PC: variants seen among roughly 807,000 people sequenced by gnomAD.
PC encodes pyruvate carboxylase, also known as pyruvate carboxylase, mitochondrial.
Under a neutral mutation model 107.8 loss-of-function variants are expected in PC, and 46 were observed. The ratio of observed to expected loss-of-function variants is 0.43; its 90% CI spans 0.34 to 0.55. PC has a LOEUF of 0.55. PC is among the 20% of genes least tolerant of loss of function. The pLI is 0.04. For missense variants in PC, 1,241 were observed against 1,643.1 expected (o/e 0.76, Z 4.23); for synonymous variants, 662 against 684.7 (o/e 0.97, Z 0.52).
intron 2 of PC, among the ~76,000 whole-genome samples, chr11:66,952,982 T>C (rs1443731074): frequency 1.3e-5 from 2 of 152,168 alleles, no homozygotes; most frequent in African/African-American, 2.4e-5. Context: ...TGTTTCCTCA[T>C]CTGTAAAATG....
intron 3 of PC, among the ~76,000 whole-genome samples, chr11:66,879,201 C>T (rs1947095273): frequency 6.6e-6 from 1 of 152,216 alleles, no homozygotes; most frequent in African/African-American, 2.4e-5. Context: ...ACAGGCCAGG[C>T]CGTCCTGGGG....
intron 1 of PC, among the ~76,000 whole-genome samples, chr11:66,955,798 A>C (rs1272413300): frequency 1.4e-5 from 2 of 138,424 alleles, no homozygotes; most frequent in East Asian, 4.0e-4. Flanking sequence ...TTTGACAGGG[A>C]GTTTCATGCT....
chr11:66,937,475 C>G (rs1949027331), intron 3 of PC, among the ~76,000 whole-genome samples: 1 of 144,380 alleles, frequency 6.9e-6, no homozygotes, highest in Non-Finnish European at 1.5e-5. Context: ...CATTGGAGTT[C>G]ACTGAGCTTC....
At chr11:66,927,462 C>T (rs1320558949) in intron 3 of PC, among the ~76,000 whole-genome samples, 1 of 151,848 alleles carries the variant, frequency 6.6e-6, no homozygotes, top group East Asian at 1.9e-4. Context: ...TGGCTCATGC[C>T]TGTAATCCCA....
chr11:66,947,121 C>G (rs1223828738), intron 3 of PC, among the ~76,000 whole-genome samples: 1 of 152,094 alleles, frequency 6.6e-6, no homozygotes. Flanking sequence ...CAGGATCCAG[C>G]CACTCCACTC....
At chr11:66,886,140 T>C (rs1341771409) in intron 3 of PC, among the ~76,000 whole-genome samples, 1 of 132,002 alleles carries the variant, frequency 7.6e-6, no homozygotes, top group African/African-American at 2.9e-5. Context: ...GTTAGCAAGA[T>C]GGCCTGAAGG....
intron 3 of PC, among the ~76,000 whole-genome samples, chr11:66,890,822 T>C (rs1351256538): frequency 6.6e-6 from 1 of 151,736 alleles, no homozygotes; most frequent in Non-Finnish European, 1.5e-5. Context: ...TTCCAATTTT[T>C]AGCAATTAAG....
intron 12 of PC, among the ~76,000 whole-genome samples, chr11:66,856,297 C>T (rs1025560994): frequency 6.6e-6 from 1 of 152,238 alleles, no homozygotes; most frequent in African/African-American, 2.4e-5. Context: ...TGGGAAGCCG[C>T]GCCGCGCAGA....
At chr11:66,918,053 T>C (rs927905300) in intron 3 of PC, among the ~76,000 whole-genome samples, 1 of 152,194 alleles carries the variant, frequency 6.6e-6, no homozygotes, top group Non-Finnish European at 1.5e-5. Context: ...CACAGCAGCC[T>C]GTGAGCCCTC....
chr11:66,902,182 C>T (rs1019179046), intron 3 of PC, among the ~76,000 whole-genome samples: 12 of 152,190 alleles, frequency 7.9e-5, no homozygotes, highest in African/African-American at 2.9e-4. Flanking sequence ...TCTCCCTATT[C>T]GTGACTCCTA....
chr11:66,897,915 A>C (rs1947813813), intron 3 of PC, among the ~76,000 whole-genome samples: 1 of 152,178 alleles, frequency 6.6e-6, no homozygotes. Context: ...AATTGTCACC[A>C]CAATCTCATG....
chr11:66,903,752 GAAAAAAAAAA>G (rs1175402409), intron 3 of PC, among the ~76,000 whole-genome samples: 3 of 76,214 alleles, frequency 3.9e-5, no homozygotes, highest in African/African-American at 7.3e-5. Flanking sequence ...TCCATCTCAG[GAAAAAAAAAA>G]AAAAAAAAAA....
In PC at chr11:66,848,682, G is replaced by A. The variant is rs1945290961; in HGVS notation, c.*217C>T. The A allele has an allele frequency of 1.6e-6, 1 of 640,756 alleles. No individual in the cohort carries two copies. The highest frequency in any genetic ancestry group is 2.7e-6 in the Non-Finnish European group (1 of 364,398). 39.7% of individuals were successfully genotyped at this position (640,756 alleles called of 1,614,324 possible). A position where few individuals can be genotyped will look rare whatever the true frequency, so the allele number is the denominator to read the frequency against. On this transcript the variant is annotated 3_prime_UTR_variant, in exon 23 of 23. Transcript: ENST00000393960. ...TCCAGTGAGGAGGGGACCCTTATTTGGCAAGAGATGAACATGTAAGCAGCT... is the reference window on the plus strand; with the variant it reads ...TCCAGTGAGGAGGGGACCCTTATTTAGCAAGAGATGAACATGTAAGCAGCT...
At chr11:66,956,901 T>C (rs1949572490) in intron 1 of PC, among the ~76,000 whole-genome samples, 1 of 152,238 alleles carries the variant, frequency 6.6e-6, no homozygotes, top group African/African-American at 2.4e-5. Context: ...GTTTTGTTTA[T>C]TTTCTCTCTC....
intron 3 of PC, among the ~76,000 whole-genome samples, chr11:66,893,973 C>T (rs947057513): frequency 1.3e-5 from 2 of 151,830 alleles, no homozygotes; most frequent in African/African-American, 4.8e-5. Flanking sequence ...TCTTTAATCC[C>T]TCACATCCTT....
At chr11:66,878,086 C>T (rs1039605667) in intron 3 of PC, among the ~76,000 whole-genome samples, 8 of 152,148 alleles carry the variant, frequency 5.3e-5, no homozygotes, top group Admixed American at 1.3e-4. Flanking sequence ...CCTGCTACAC[C>T]GACTCCTTGG....
chr11:66,956,509 C>T (rs1203340935), intron 1 of PC, among the ~76,000 whole-genome samples: 1 of 152,094 alleles, frequency 6.6e-6, no homozygotes, highest in African/African-American at 2.4e-5. Flanking sequence ...CGCTTGAACT[C>T]GGGAGGCGGA....
chr11:66,927,743 A>T (rs528452812), intron 3 of PC, among the ~76,000 whole-genome samples: 17 of 151,342 alleles, frequency 1.1e-4, no homozygotes, highest in African/African-American at 4.1e-4. Flanking sequence ...AAAAAAAGAT[A>T]GAATCTGGGA....
chr11:66,918,979 C>T (rs754218288), intron 3 of PC, among the ~76,000 whole-genome samples: 2 of 152,162 alleles, frequency 1.3e-5, no homozygotes, highest in African/African-American at 2.4e-5. Context: ...GTCAAGTTTC[C>T]AGCACCCATA....
Sources: allele counts gnomAD v4.1 joint callset (sites outside exome capture counted in the v4.1 genomes callset), GRCh38; gene constraint gnomAD v4.1.1; transcripts MANE v1.5; gene names NCBI Gene and HGNC (gene_info 2026-07-23, HGNC 2026-07-21).